TSPAN18: variants seen among roughly 807,000 people sequenced by gnomAD.
The protein encoded by TSPAN18 is tetraspanin 18.
In TSPAN18, 14 loss-of-function variants were observed where a neutral mutation model predicts 27.3. That is an observed-to-expected ratio of 0.51 (90% CI 0.34 to 0.80). The LOEUF is 0.80. Among genes scored for constraint, TSPAN18 ranks in the 30% least tolerant of loss-of-function variants. The pLI is 0.01. For missense variants in TSPAN18, 268 were observed against 323.9 expected (o/e 0.83, Z 1.32); for synonymous variants, 143 against 136.5 (o/e 1.05, Z -0.33).
At chr11:44,898,610 A>G (rs1859148962) in intron 3 of TSPAN18, among the ~76,000 whole-genome samples, 1 of 152,254 alleles carries the variant, frequency 6.6e-6, no homozygotes, top group African/African-American at 2.4e-5. Flanking sequence ...CACCTGATGA[A>G]GGCCATCTTG....
chr11:44,895,908 C>T (rs1859028138), intron 3 of TSPAN18, among the ~76,000 whole-genome samples: 1 of 152,198 alleles, frequency 6.6e-6, no homozygotes, highest in Admixed American at 6.5e-5. Context: ...GCATGGGGTG[C>T]AGGCCCTGAA....
intron 2 of TSPAN18, among the ~76,000 whole-genome samples, chr11:44,768,982 C>T (rs58262420): frequency 0.076 from 11,471 of 150,934 alleles, 685 homozygotes; most frequent in African/African-American, 0.17. Context: ...CTGCAACCTC[C>T]GCCTTTCAGG....
At chr11:44,834,814 G>A (rs1049531300) in intron 2 of TSPAN18, among the ~76,000 whole-genome samples, 6 of 152,170 alleles carry the variant, frequency 3.9e-5, no homozygotes, top group Admixed American at 6.5e-5. Context: ...TAGACACCAA[G>A]GCAAGCATTT....
intron 2 of TSPAN18, among the ~76,000 whole-genome samples, chr11:44,815,563 T>G (rs551719804): frequency 3.3e-5 from 5 of 152,314 alleles, no homozygotes; most frequent in African/African-American, 1.2e-4. Context: ...ATTTGGTTAC[T>G]TGCTCAACAA....
intron 2 of TSPAN18, among the ~76,000 whole-genome samples, chr11:44,788,456 CTTTTTTT>C (rs11458938): frequency 1.6e-5 from 2 of 126,780 alleles, no homozygotes; most frequent in Admixed American, 8.2e-5. Flanking sequence ...CTTTTTTTCT[CTTTTTTT>C]TTTTTTTTTT....
At chr11:44,916,047 G>T (rs1859897612) in intron 5 of TSPAN18, among the ~76,000 whole-genome samples, 1 of 152,224 alleles carries the variant, frequency 6.6e-6, no homozygotes, top group African/African-American at 2.4e-5. Flanking sequence ...CCCGCCACGG[G>T]CTGGGCTGCT....
chr11:44,785,130 G>C (rs1856024602), intron 2 of TSPAN18, among the ~76,000 whole-genome samples: 1 of 152,172 alleles, frequency 6.6e-6, no homozygotes, highest in South Asian at 2.1e-4. Flanking sequence ...GAATGCTTTT[G>C]TTAAATGTTG....
At chr11:44,734,712 AGGC>A (rs1305769592) in intron 1 of TSPAN18, among the ~76,000 whole-genome samples, 2 of 152,190 alleles carry the variant, frequency 1.3e-5, no homozygotes, top group African/African-American at 4.8e-5. Flanking sequence ...TCTTGGATTT[AGGC>A]CCATCTTTTC....
intron 3 of TSPAN18, among the ~76,000 whole-genome samples, chr11:44,892,700 G>A (rs1590640386): frequency 6.6e-6 from 1 of 152,184 alleles, no homozygotes; most frequent in Non-Finnish European, 1.5e-5. Context: ...GGCATGGATT[G>A]TTTGAGGGTG....
At chr11:44,903,861 C>T (rs1324967795) in intron 3 of TSPAN18, 3 of 456,574 alleles carry the variant, frequency 6.6e-6, no homozygotes, top group African/African-American at 2.0e-5. Context: ...AGACAAGTCA[C>T]CTCGCCTCTG....
chr11:44,824,833 G>A (rs1290851101), intron 2 of TSPAN18, among the ~76,000 whole-genome samples: 5 of 152,298 alleles, frequency 3.3e-5, no homozygotes, highest in South Asian at 2.1e-4. Flanking sequence ...ATGCTTCTGC[G>A]GGGATGATGC....
intron 3 of TSPAN18, among the ~76,000 whole-genome samples, chr11:44,864,299 A>AC (rs1482114981): frequency 4.0e-4 from 61 of 151,078 alleles, no homozygotes; most frequent in Non-Finnish European, 6.5e-4. Context: ...AAAAAAAAAA[A>AC]AAAAAAACTT....
At chr11:44,871,005 T>C (rs1858179129) in intron 3 of TSPAN18, among the ~76,000 whole-genome samples, 1 of 152,150 alleles carries the variant, frequency 6.6e-6, no homozygotes, top group Non-Finnish European at 1.5e-5. Flanking sequence ...GGAGGTGATG[T>C]CTGAGTTGGG....
intron 3 of TSPAN18, among the ~76,000 whole-genome samples, chr11:44,887,470 A>T (rs1335857283): frequency 6.6e-6 from 1 of 152,220 alleles, no homozygotes; most frequent in African/African-American, 2.4e-5. Flanking sequence ...TCAGCTGTCA[A>T]CTGGGAATAA....
intron 1 of TSPAN18, among the ~76,000 whole-genome samples, chr11:44,740,254 G>A (rs1319652455): frequency 6.6e-6 from 1 of 152,210 alleles, no homozygotes; most frequent in African/African-American, 2.4e-5. Flanking sequence ...GACCCTTTGG[G>A]GAGGATGTGT....
intron 2 of TSPAN18, among the ~76,000 whole-genome samples, chr11:44,835,108 T>TC (rs1394542485): frequency 6.6e-6 from 1 of 152,136 alleles, no homozygotes; most frequent in Non-Finnish European, 1.5e-5. Context: ...AGCAGGGGGC[T>TC]CCGGCAGCTC....
chr11:44,882,762 G>C (rs1202973718), intron 3 of TSPAN18, among the ~76,000 whole-genome samples: 3 of 152,132 alleles, frequency 2.0e-5, no homozygotes, highest in Non-Finnish European at 2.9e-5. Flanking sequence ...CAGAGAGTGG[G>C]GTGTGGCCGA....
intron 1 of TSPAN18, among the ~76,000 whole-genome samples, chr11:44,751,708 CTTGAGGTCAGGAG>C (rs989194480): frequency 4.6e-5 from 7 of 151,922 alleles, no homozygotes; most frequent in Non-Finnish European, 1.0e-4. Flanking sequence ...GTTGAGGTCA[CTTGAGGTCAGGAG>C]TTCAAGACCA....
At chr11:44,783,120 A>G (rs936910771) in intron 2 of TSPAN18, among the ~76,000 whole-genome samples, 5 of 152,156 alleles carry the variant, frequency 3.3e-5, no homozygotes. Context: ...GAGCCATCAC[A>G]CACGGCCTCT....
Sources: gnomAD v4.1 joint callset for allele counts (sites outside exome capture counted in the v4.1 genomes callset) on GRCh38, gnomAD v4.1.1 for gene constraint, MANE v1.5 for transcripts, NCBI Gene and HGNC (gene_info 2026-07-23, HGNC 2026-07-21) for gene names.